MACROD2: variants seen among roughly 807,000 people sequenced by gnomAD.
The protein encoded by MACROD2 is ADP-ribose glycohydrolase MACROD2.
A neutral mutation model predicts 70.4 loss-of-function variants in MACROD2; 36 were observed. The ratio of observed to expected loss-of-function variants is 0.51; its 90% confidence interval spans 0.39 to 0.68. MACROD2 has a LOEUF of 0.68. Ranked by LOEUF, MACROD2 falls within the 30% of genes least tolerant of loss-of-function variation. The pLI, the probability that MACROD2 is intolerant of heterozygous loss-of-function variation, is 0.00. For synonymous variants in MACROD2, 172 were observed against 178.8 expected (o/e 0.96, Z 0.30); for missense variants, 496 against 538.4 (o/e 0.92, Z 0.78).
intron 7 of MACROD2, among the ~76,000 whole-genome samples, chr20:15,442,539 G>A (rs80094941): frequency 0.03 from 4,510 of 152,102 alleles, 224 homozygotes; most frequent in African/African-American, 0.1. Flanking sequence ...CACACCCTCT[G>A]TCTAATGGTC....
intron 3 of MACROD2, among the ~76,000 whole-genome samples, chr20:14,103,275 A>G (rs1303716585): frequency 6.6e-6 from 1 of 152,154 alleles, no homozygotes; most frequent in Non-Finnish European, 1.5e-5. Context: ...TTTTAAAGGA[A>G]TATCTTCTGA....
intron 5 of MACROD2, among the ~76,000 whole-genome samples, chr20:14,803,399 A>G (rs758711702): frequency 2.0e-5 from 3 of 152,112 alleles, no homozygotes; most frequent in Non-Finnish European, 4.4e-5. Flanking sequence ...CAGAATTTGT[A>G]TATACTCAGG....
chr20:14,049,428 A>T (rs1268914969), intron 2 of MACROD2, among the ~76,000 whole-genome samples: 1 of 151,948 alleles, frequency 6.6e-6, no homozygotes, highest in Non-Finnish European at 1.5e-5. Context: ...TGATGTGATA[A>T]TCAGAGTAAT....
chr20:14,364,262 T>TA (rs1473479419), intron 3 of MACROD2, among the ~76,000 whole-genome samples: 1 of 152,172 alleles, frequency 6.6e-6, no homozygotes, highest in Non-Finnish European at 1.5e-5. Context: ...GCAAAGCTTA[T>TA]AGGTTTGTTA....
At chr20:14,297,869 C>T (rs865909031) in intron 3 of MACROD2, among the ~76,000 whole-genome samples, 7 of 151,992 alleles carry the variant, frequency 4.6e-5, no homozygotes, top group Non-Finnish European at 8.8e-5. Flanking sequence ...CAATGCCTGC[C>T]TTCAAAGCTT....
chr20:14,824,432 G>A (rs933229440), intron 5 of MACROD2, among the ~76,000 whole-genome samples: 1 of 152,094 alleles, frequency 6.6e-6, no homozygotes, highest in Admixed American at 6.6e-5. Context: ...GTTTGGACAA[G>A]ATTCAGTGGG....
Position 14,458,469 on chromosome 20 carries a change from T to C in MACROD2, c.272-35010T>C, listed in dbSNP as rs1446415304. Among the ~76,000 whole-genome samples the C allele has an allele frequency of 2.0e-5, 3 of 152,250 alleles. No individual in the cohort carries two copies. In the East Asian group the frequency reaches 5.8e-4, roughly 29 times the overall value. On this transcript the variant is annotated intron_variant, in intron 3 of 17. Transcript: ENST00000684519. ...TGAAAATGTTATTTAAGATGAGTTA[T>C]ATAGATTTACACAAAAGCCAGGCTT... is the stretch of plus-strand genomic sequence containing the variant.
At chr20:15,696,900 T>G (rs930270052) in intron 8 of MACROD2, among the ~76,000 whole-genome samples, 4 of 151,142 alleles carry the variant, frequency 2.6e-5, no homozygotes, top group African/African-American at 9.7e-5. Flanking sequence ...GGTTGTAATA[T>G]CTCTTGTTTC....
At chr20:14,846,040 T>A (rs879359239) in intron 5 of MACROD2, among the ~76,000 whole-genome samples, 6 of 152,104 alleles carry the variant, frequency 3.9e-5, no homozygotes, top group Non-Finnish European at 7.4e-5. Context: ...CTATGGCTAA[T>A]ATTTATTTCA....
At chr20:14,677,590 G>A (rs965580262) in intron 4 of MACROD2, among the ~76,000 whole-genome samples, 1 of 152,186 alleles carries the variant, frequency 6.6e-6, no homozygotes. Context: ...ACAGCAGAAA[G>A]CCTAGCCTTT....
intron 12 of MACROD2, among the ~76,000 whole-genome samples, chr20:15,955,528 T>G (rs377547888): frequency 6.6e-6 from 1 of 152,314 alleles, no homozygotes; most frequent in East Asian, 1.9e-4. Context: ...TCCTAGTTTC[T>G]AATGGATGAT....
intron 3 of MACROD2, among the ~76,000 whole-genome samples, chr20:14,190,696 ATATTTTTTTT>A (rs1415443827): frequency 7.5e-5 from 3 of 39,872 alleles, no homozygotes; most frequent in African/African-American, 3.1e-4. Context: ...ATATATATAT[ATATTTTTTTT>A]TTTTTTTTTT....
chr20:14,266,700 T>A (rs1030082148), intron 3 of MACROD2, among the ~76,000 whole-genome samples: 1 of 152,196 alleles, frequency 6.6e-6, no homozygotes, highest in Non-Finnish European at 1.5e-5. Context: ...CTAGCACAAA[T>A]TGAAGATTAA....
At position 15,181,839 on chromosome 20, in the gene MACROD2, C is replaced by T. The variant is rs575046417; in HGVS notation, c.419-48101C>T. Among the ~76,000 whole-genome samples, 28 of 152,134 alleles carry T rather than the reference C, an allele frequency of 1.8e-4. 1 individual carries two copies. Among genetic ancestry groups the T allele is most frequent in the Non-Finnish European group, 3.7e-4 (25 of 68,016 alleles). On this transcript the variant is annotated intron_variant, in intron 5 of 17. Coordinates refer to ENST00000684519, the MANE Select transcript of MACROD2 (RefSeq NM_001351661.2). ...TAAATTCAATTCCTCTTGGAAATGA[C>T]GGGCCTCTGCATTTGCAGTTAGTTA... is the stretch of plus-strand genomic sequence containing the variant.
At chr20:15,669,200 G>T (rs2049944182) in intron 8 of MACROD2, among the ~76,000 whole-genome samples, 1 of 152,180 alleles carries the variant, frequency 6.6e-6, no homozygotes, top group African/African-American at 2.4e-5. Context: ...GGTGCAATGA[G>T]GTCAAAGTAC....
chr20:14,545,783 G>A (rs1024881731), intron 4 of MACROD2, among the ~76,000 whole-genome samples: 1 of 152,028 alleles, frequency 6.6e-6, no homozygotes, highest in East Asian at 1.9e-4. Flanking sequence ...TATATGTCAG[G>A]TAACTATTAT....
chr20:14,060,209 T>C (rs1212770458), intron 2 of MACROD2, among the ~76,000 whole-genome samples: 1 of 152,204 alleles, frequency 6.6e-6, no homozygotes, highest in Non-Finnish European at 1.5e-5. Flanking sequence ...CAAGGTTGTC[T>C]AAAGACTCTG....
chr20:14,953,639 G>A (rs2074493916), intron 5 of MACROD2, among the ~76,000 whole-genome samples: 1 of 152,128 alleles, frequency 6.6e-6, no homozygotes, highest in Non-Finnish European at 1.5e-5. Flanking sequence ...GAAATAGAGA[G>A]TGCTCTGACC....
At chr20:15,016,985 C>T (rs1465470751) in intron 5 of MACROD2, among the ~76,000 whole-genome samples, 7 of 152,086 alleles carry the variant, frequency 4.6e-5, no homozygotes. Flanking sequence ...CAAACCATAT[C>T]ATGCTGCCCT....
Sources: allele counts gnomAD v4.1 joint callset (sites outside exome capture counted in the v4.1 genomes callset), GRCh38; gene constraint gnomAD v4.1.1; transcripts MANE v1.5; gene names NCBI Gene and HGNC (gene_info 2026-07-23, HGNC 2026-07-21).